The following SESN1 variants were observed in gnomAD, a reference collection of about 807,000 sequenced individuals.
The protein encoded by SESN1 is sestrin 1, also known as sestrin-1.
A neutral mutation model predicts 59.3 loss-of-function variants in SESN1; 30 were observed. That is an observed-to-expected ratio of 0.51 (90% CI 0.38 to 0.69). The LOEUF (loss-of-function observed/expected upper bound fraction) is 0.69. Among genes scored for constraint, SESN1 ranks in the 30% least tolerant of loss-of-function variants. The pLI, the probability that SESN1 is intolerant of heterozygous loss-of-function variation, is 0.00. For missense variants in SESN1, 566 were observed against 673.0 expected (o/e 0.84, Z 1.76); for synonymous variants, 197 against 219.9 (o/e 0.90, Z 0.92).
chr6:109,079,445 T>C (rs1196651475), intron 1 of SESN1, among the ~76,000 whole-genome samples: 3 of 152,120 alleles, frequency 2.0e-5, no homozygotes, highest in Non-Finnish European at 4.4e-5. Context: ...AGCGCACATA[T>C]CAAAACTCTG....
At chr6:108,997,611 A>T (rs1779525386) in intron 5 of SESN1, among the ~76,000 whole-genome samples, 1 of 152,172 alleles carries the variant, frequency 6.6e-6, no homozygotes, top group Non-Finnish European at 1.5e-5. Context: ...ACCTCACAAT[A>T]ACTTTGTGTT....
chr6:109,055,556 G>C (rs897372575), intron 1 of SESN1, among the ~76,000 whole-genome samples: 1 of 151,428 alleles, frequency 6.6e-6, no homozygotes, highest in African/African-American at 2.4e-5. Flanking sequence ...CCAGCTACTC[G>C]GGAGGCTGAG....
intron 1 of SESN1, among the ~76,000 whole-genome samples, chr6:109,093,479 T>C (rs1781376543): frequency 1.3e-5 from 2 of 152,162 alleles, no homozygotes; most frequent in Non-Finnish European, 1.5e-5. Context: ...TGTGAGCCTT[T>C]ACACTCAGAA....
At chr6:109,060,122 T>TACAC (rs139094576) in intron 1 of SESN1, among the ~76,000 whole-genome samples, 10 of 149,902 alleles carry the variant, frequency 6.7e-5, no homozygotes, top group South Asian at 2.1e-4. Flanking sequence ...TACACACACG[T>TACAC]ACACACACAC....
chr6:108,998,426 G>A, intron 5 of SESN1, 87 bp downstream of exon 5: 1 of 1,535,178 alleles, frequency 6.5e-7, no homozygotes, highest in Admixed American at 1.7e-5. Context: ...AACAGGGTGG[G>A]TTTTTCTAAG....
chr6:109,091,506 C>T (rs542616673), intron 1 of SESN1, among the ~76,000 whole-genome samples: 2 of 152,190 alleles, frequency 1.3e-5, no homozygotes, highest in Admixed American at 6.5e-5. Context: ...TATTGCATTA[C>T]TTTCAGCTCC....
At chr6:109,024,066 C>T (rs1403759329) in intron 1 of SESN1, among the ~76,000 whole-genome samples, 1 of 151,926 alleles carries the variant, frequency 6.6e-6, no homozygotes, top group Non-Finnish European at 1.5e-5. Flanking sequence ...AGCAACATTT[C>T]ATTATATCTC....
chr6:109,009,208 CG>C, intron 1 of SESN1: 1 of 826,198 alleles, frequency 1.2e-6, no homozygotes, highest in Non-Finnish European at 1.6e-6. Flanking sequence ...CGCTGCTCCC[CG>C]GGAGCCCGCC....
chr6:108,989,887 G>A (rs976102584), intron 8 of SESN1, among the ~76,000 whole-genome samples: 1 of 152,152 alleles, frequency 6.6e-6, no homozygotes, highest in East Asian at 1.9e-4. Context: ...CAAAGGTCTT[G>A]CAAAGCTGGT....
chr6:109,017,977 G>C (rs559869205), intron 1 of SESN1, among the ~76,000 whole-genome samples: 1 of 152,172 alleles, frequency 6.6e-6, no homozygotes, highest in African/African-American at 2.4e-5. Context: ...GACTAGCCTG[G>C]GCAACATGGC....
chr6:109,069,013 C>T (rs1310407250), intron 1 of SESN1, among the ~76,000 whole-genome samples: 3 of 152,040 alleles, frequency 2.0e-5, no homozygotes, highest in African/African-American at 4.8e-5. Flanking sequence ...TGAGCCACCG[C>T]GCCCAGCCGA....
In SESN1 at chr6:108,988,644, G is replaced by C; in HGVS notation, c.1468C>G (p.Arg490Gly). ...GTTTTGATATAAACTTTAAAGCTAC[G>C]ATCCAATAGCTGGTTAATTTCACCA... is the stretch of plus-strand genomic sequence containing the variant. ...DYGEINQLLD[R>G]SFKVYIKTVV... Residue 490 changes from arginine to glycine, a missense_variant, in exon 9 of 10, where the codon CGT becomes GGT. By Grantham distance (125) the Arg-to-Gly change is moderately radical. Coordinates refer to ENST00000436639, the MANE Select transcript of SESN1 (RefSeq NM_014454.3). The C allele has an allele frequency of 1.2e-6, 2 of 1,610,294 alleles. No individual in the cohort carries two copies. The highest frequency in any genetic ancestry group is 1.7e-6 in the Non-Finnish European group (2 of 1,177,674).
chr6:109,081,974 C>G (rs1395792575), intron 1 of SESN1, among the ~76,000 whole-genome samples: 1 of 152,142 alleles, frequency 6.6e-6, no homozygotes, highest in Non-Finnish European at 1.5e-5. Flanking sequence ...GCTTGGAGTA[C>G]TAGACATGAA....
chr6:109,081,694 C>A (rs1679167628), intron 1 of SESN1, among the ~76,000 whole-genome samples: 1 of 152,170 alleles, frequency 6.6e-6, no homozygotes, highest in Non-Finnish European at 1.5e-5. Context: ...TCCCATCCAC[C>A]CCAATTCACA....
At chr6:109,060,896 C>T (rs1440601493) in intron 1 of SESN1, among the ~76,000 whole-genome samples, 1 of 152,112 alleles carries the variant, frequency 6.6e-6, no homozygotes, top group African/African-American at 2.4e-5. Flanking sequence ...TTCAATGTCT[C>T]CAGGAAAAGT....
intron 1 of SESN1, among the ~76,000 whole-genome samples, chr6:109,077,591 C>T (rs111947237): frequency 2.6e-5 from 4 of 152,070 alleles, no homozygotes; most frequent in African/African-American, 4.8e-5. Context: ...CTGGTGTGAC[C>T]CACATGATCA....
At chr6:108,990,905 G>C (rs1779362241) in intron 7 of SESN1, 70 bp from the exon 8 acceptor site, 1 of 1,320,956 alleles carries the variant, frequency 7.6e-7, no homozygotes, top group Non-Finnish European at 1.0e-6. Flanking sequence ...TAGCTCTGTA[G>C]CATGGTAAAA....
intron 8 of SESN1, among the ~76,000 whole-genome samples, 193 bp downstream of exon 8, chr6:108,990,452 C>G (rs1779348841): frequency 6.6e-6 from 1 of 152,200 alleles, no homozygotes; most frequent in Non-Finnish European, 1.5e-5. Flanking sequence ...TCCCTCCTGC[C>G]TAGCTAGGAA....
chr6:109,062,880 GTC>G (rs567889404), intron 1 of SESN1, among the ~76,000 whole-genome samples: 7 of 151,916 alleles, frequency 4.6e-5, no homozygotes, highest in South Asian at 4.2e-4. Flanking sequence ...TGTGAATGTG[GTC>G]TCTCTCTCTC....
Sources: gnomAD v4.1 joint callset for allele counts (sites outside exome capture counted in the v4.1 genomes callset) on GRCh38, gnomAD v4.1.1 for gene constraint, MANE v1.5 for transcripts, NCBI Gene and HGNC (gene_info 2026-07-23, HGNC 2026-07-21) for gene names.